ETV6: variants seen among roughly 807,000 people sequenced by gnomAD.
ETV6 encodes transcription factor ETV6.
A neutral mutation model predicts 51.1 loss-of-function variants in ETV6; 16 were observed. The observed-to-expected ratio is 0.31, with a 90% CI of 0.21 to 0.48. The LOEUF is 0.48. ETV6 is among the 20% of genes least tolerant of loss of function. The probability of loss-of-function intolerance (pLI) is 0.99; values close to 1 mark genes in which losing one functional copy is unlikely to be tolerated. For missense variants in ETV6, 458 were observed against 594.8 expected, an observed-to-expected ratio of 0.77 and a Z score of 2.39; for synonymous variants, 240 against 224.1, an observed-to-expected ratio of 1.07 and a Z score of -0.64.
At chr12:11,867,205 C>T (rs181635647) in intron 4 of ETV6, among the ~76,000 whole-genome samples, 10 of 152,248 alleles carry the variant, frequency 6.6e-5, no homozygotes, top group African/African-American at 1.7e-4. Context: ...GTTTGGTACA[C>T]GCCACTCTGC....
intron 3 of ETV6, among the ~76,000 whole-genome samples, chr12:11,853,007 T>C (rs908075948): frequency 1.3e-5 from 2 of 152,082 alleles, no homozygotes; most frequent in African/African-American, 4.8e-5. Context: ...AACAGCATGG[T>C]GAAACCCTGT....
chr12:11,712,841 C>T (rs1865199040), intron 1 of ETV6, among the ~76,000 whole-genome samples: 1 of 152,180 alleles, frequency 6.6e-6, no homozygotes, highest in African/African-American at 2.4e-5. Context: ...TCAACCATCC[C>T]CCTCGCAGGA....
At chr12:11,787,679 TAGG>T (rs998080501) in intron 2 of ETV6, among the ~76,000 whole-genome samples, 8 of 152,160 alleles carry the variant, frequency 5.3e-5, no homozygotes, top group African/African-American at 1.9e-4. Context: ...GTAGCCAAGT[TAGG>T]AGTAGGCCAG....
chr12:11,757,111 G>A (rs370096619), intron 2 of ETV6, among the ~76,000 whole-genome samples: 11 of 152,110 alleles, frequency 7.2e-5, no homozygotes, highest in South Asian at 2.1e-4. Flanking sequence ...ATAGCCGCTC[G>A]GCGTTTTCTG....
intron 2 of ETV6, among the ~76,000 whole-genome samples, chr12:11,811,335 T>A (rs925986427): frequency 5.9e-5 from 9 of 152,246 alleles, no homozygotes; most frequent in Non-Finnish European, 1.0e-4. Flanking sequence ...CAAGAAGCAG[T>A]GTCTTTTGGA....
chr12:11,875,208 A>C (rs73054170), intron 5 of ETV6, among the ~76,000 whole-genome samples: 5,249 of 152,324 alleles, frequency 0.034, 120 homozygotes, highest in Non-Finnish European at 0.054. Context: ...TAAAGGTGTC[A>C]CTTACTTTGC....
intron 2 of ETV6, among the ~76,000 whole-genome samples, chr12:11,772,866 T>C (rs1264153977): frequency 6.6e-6 from 1 of 152,170 alleles, no homozygotes; most frequent in Non-Finnish European, 1.5e-5. Flanking sequence ...GTTTCTAAGA[T>C]TGGTCTCGGG....
chr12:11,852,900 T>A (rs1413053646), intron 3 of ETV6, among the ~76,000 whole-genome samples: 2 of 152,146 alleles, frequency 1.3e-5, no homozygotes, highest in Non-Finnish European at 1.5e-5. Flanking sequence ...TTAAAACATT[T>A]TTGGGGCCGT....
At chr12:11,784,862 A>ATTTTTTTTTTTTTTTTT (rs34004409) in intron 2 of ETV6, among the ~76,000 whole-genome samples, 10 of 85,758 alleles carry the variant, frequency 1.2e-4, no homozygotes, top group African/African-American at 4.8e-4. Flanking sequence ...TGCCTTGCTA[A>ATTTTTTTTTTTTTTTTT]TTTTTTTTTT....
chr12:11,824,545 G>A lies in ETV6; in HGVS notation c.164-14595G>A, dbSNP rs146518357. ...TATAATCCCAGTACTTTGGGAGGCC[G>A]AGGCAGGTGGATCACCTGAGGTCAG... On this transcript the variant is annotated intron_variant, in intron 2 of 7. Coordinates refer to ENST00000396373, the MANE Select transcript of ETV6 (RefSeq NM_001987.5). Among the ~76,000 whole-genome samples the A allele has an allele frequency of 1.1e-3, 168 of 152,288 alleles. 1 individual carries two copies. In the East Asian group the frequency reaches 0.024, roughly 22 times the overall value.
At chr12:11,876,948 A>C (rs1243245582) in intron 5 of ETV6, among the ~76,000 whole-genome samples, 1 of 152,234 alleles carries the variant, frequency 6.6e-6, no homozygotes, top group Non-Finnish European at 1.5e-5. Flanking sequence ...GTGACTTTAA[A>C]AAATACTTTT....
chr12:11,866,473 A>G (rs1445187016), intron 4 of ETV6, among the ~76,000 whole-genome samples: 1 of 152,210 alleles, frequency 6.6e-6, no homozygotes, highest in Non-Finnish European at 1.5e-5. Context: ...GTTCTATTCC[A>G]CTGAAGAGTA....
At chr12:11,658,655 C>T (rs1435487106) in intron 1 of ETV6, among the ~76,000 whole-genome samples, 1 of 152,144 alleles carries the variant, frequency 6.6e-6, no homozygotes, top group African/African-American at 2.4e-5. Context: ...TGTCACTGTC[C>T]CATTGAGTTG....
chr12:11,835,664 A>AT (rs1402323009), intron 2 of ETV6, among the ~76,000 whole-genome samples: 1 of 152,124 alleles, frequency 6.6e-6, no homozygotes, highest in Non-Finnish European at 1.5e-5. Context: ...GGATCTACAG[A>AT]TTTTTTGGCT....
intron 2 of ETV6, among the ~76,000 whole-genome samples, chr12:11,828,855 T>G (rs1253250089): frequency 6.6e-6 from 1 of 152,250 alleles, no homozygotes; most frequent in Admixed American, 6.5e-5. Flanking sequence ...ATACATTTTC[T>G]GCATTAATTT....
At chr12:11,850,257 C>T (rs777768852) in intron 3 of ETV6, among the ~76,000 whole-genome samples, 7 of 152,112 alleles carry the variant, frequency 4.6e-5, no homozygotes, top group African/African-American at 1.2e-4. Flanking sequence ...CCTTGGCCAG[C>T]GTCAGTATGG....
At chr12:11,730,975 ATCCCC>A (rs1373522997) in intron 1 of ETV6, among the ~76,000 whole-genome samples, 1 of 152,168 alleles carries the variant, frequency 6.6e-6, no homozygotes, top group Non-Finnish European at 1.5e-5. Flanking sequence ...TTGGTTTCAC[ATCCCC>A]TCTACCCGAT....
intron 1 of ETV6, among the ~76,000 whole-genome samples, chr12:11,680,042 A>G (rs1864497467): frequency 6.6e-6 from 1 of 152,166 alleles, no homozygotes; most frequent in Non-Finnish European, 1.5e-5. Flanking sequence ...TTTTCTCTGT[A>G]AAAGTTGAGA....
At chr12:11,829,349 A>G (rs1000076252) in intron 2 of ETV6, among the ~76,000 whole-genome samples, 6 of 152,134 alleles carry the variant, frequency 3.9e-5, no homozygotes, top group Admixed American at 3.9e-4. Flanking sequence ...TCATGCTCAC[A>G]TTTGCCCTAA....
Sources: allele counts gnomAD v4.1 joint callset (sites outside exome capture counted in the v4.1 genomes callset), GRCh38; gene constraint gnomAD v4.1.1; transcripts MANE v1.5; gene names NCBI Gene and HGNC (gene_info 2026-07-23, HGNC 2026-07-21).